The following OS9 variants were observed in gnomAD, a reference collection of about 807,000 sequenced individuals.
OS9 encodes the protein OS9 endoplasmic reticulum lectin.
A neutral mutation model predicts 84.7 loss-of-function variants in OS9; 58 were observed. That is an observed-to-expected ratio of 0.68 (90% CI 0.55 to 0.85). OS9 has a LOEUF of 0.85. Among genes scored for constraint, OS9 ranks in the 40% least tolerant of loss-of-function variants. The pLI is 0.00. For missense variants in OS9, 760 were observed against 850.9 expected, an observed-to-expected ratio of 0.89 and a Z score of 1.33; for synonymous variants, 278 against 320.8, an observed-to-expected ratio of 0.87 and a Z score of 1.43.
At chr12:57,712,518 TTAATA>T (rs1442702134) in intron 5 of OS9, among the ~76,000 whole-genome samples, 1 of 152,194 alleles carries the variant, frequency 6.6e-6, no homozygotes, top group African/African-American at 2.4e-5. Context: ...AATATATTTA[TTAATA>T]TAATGGCTAC....
At chr12:57,695,220 C>G in intron 2 of OS9, 1 of 453,778 alleles carries the variant, frequency 2.2e-6, no homozygotes, top group Non-Finnish European at 4.0e-6. Context: ...GCTAAAGTCA[C>G]CCCCTGCCCT....
chr12:57,703,159 G>A (rs1170062878), intron 5 of OS9, among the ~76,000 whole-genome samples: 1 of 152,124 alleles, frequency 6.6e-6, no homozygotes, highest in African/African-American at 2.4e-5. Flanking sequence ...AGGTTCAAGC[G>A]ATTCTCCTGC....
At chr12:57,697,328 C>T (rs965530647) in intron 5 of OS9, among the ~76,000 whole-genome samples, 1 of 152,218 alleles carries the variant, frequency 6.6e-6, no homozygotes, top group Admixed American at 6.5e-5. Context: ...CCTGAAAAAC[C>T]TTCAATGTTT....
In OS9 at chr12:57,720,814, C is replaced by T. The variant is rs369079310; in HGVS notation, c.1909C>T (p.Arg637Cys). ...GGGAGCTGAAGAGGCCCAGAAGGAA[C>T]GCCAGCGGCAGAAAGAGCTGGAGAG... is the stretch of plus-strand genomic sequence containing the variant. ...VPGAEEAQKE[R>C]QRQKELESNY... Residue 637 changes from arginine (R) to cysteine (C), a missense_variant, in exon 15 of 15, where the codon CGC becomes TGC. Transcript: ENST00000315970. The T allele has an allele frequency of 6.2e-6, 10 of 1,613,134 alleles. No homozygotes were observed. Among genetic ancestry groups the T allele is most frequent in the African/African-American group, 2.7e-5 (2 of 75,054 alleles).
intron 5 of OS9, among the ~76,000 whole-genome samples, chr12:57,706,863 AAAAAAAG>A (rs1357875065): frequency 6.6e-5 from 10 of 150,884 alleles, no homozygotes; most frequent in African/African-American, 2.4e-4. Flanking sequence ...AAAAAAAAAA[AAAAAAAG>A]TTTAGATAAA....
chr12:57,695,616 C>T, intron 2 of OS9, 164 bp from the exon 3 acceptor site: 1 of 716,322 alleles, frequency 1.4e-6, no homozygotes. Context: ...GAAAGCAGCC[C>T]TCCCTCCTTA....
chr12:57,700,340 G>C (rs374697279), intron 5 of OS9, among the ~76,000 whole-genome samples: 1 of 152,190 alleles, frequency 6.6e-6, no homozygotes, highest in East Asian at 1.9e-4. Context: ...AAAAGAATGT[G>C]GACAGGGATG....
In OS9 at chr12:57,716,119, T is replaced by C. The variant is rs770175329; in HGVS notation, c.818T>C (p.Ile273Thr). ...TCAAAGCAGTATGGAGATAAAATCA[T>C]AGAGGAGCTGCAAGATCTAGGCCCC... ...ADSKQYGDKI[I>T]EELQDLGPQV... The change falls in exon 7 of 15, where the codon ATA (isoleucine) becomes ACA (threonine). Residue 273 changes from isoleucine to threonine, a missense_variant. Transcript: ENST00000315970. The C allele has an allele frequency of 7.4e-6, 12 of 1,613,704 alleles. No individual in the cohort carries two copies. The highest frequency in any genetic ancestry group is 2.2e-5 in the East Asian group (1 of 44,876).
intron 8 of OS9, 78 bp downstream of exon 8, chr12:57,716,590 C>A: frequency 1.3e-6 from 2 of 1,499,840 alleles, no homozygotes; most frequent in Non-Finnish European, 1.9e-6. Context: ...AGGTGACCTA[C>A]ATCTACCTAG....
At position 57,695,568 on chromosome 12, in the gene OS9, A is replaced by C. The variant is rs758025507; in HGVS notation, c.340-212A>C. Reference sequence around the variant, plus strand: ...GGAGGAATGGAAAGACCACAAGTGGAAAACAGACTTTAGAGATATCTCTCC... The same window carrying C: ...GGAGGAATGGAAAGACCACAAGTGGCAAACAGACTTTAGAGATATCTCTCC... On this transcript the variant is annotated intron_variant, in intron 2 of 14. Transcript: ENST00000315970. 4 of 702,662 alleles carry C rather than the reference A, an allele frequency of 5.7e-6. No individual in the cohort carries two copies. The South Asian group carries it at 6.0e-5, about 11-fold the overall frequency. 43.5% of individuals were successfully genotyped at this position (702,662 alleles called of 1,614,324 possible).
intron 5 of OS9, among the ~76,000 whole-genome samples, chr12:57,711,951 C>CA (rs768776047): frequency 6.6e-6 from 1 of 151,876 alleles, no homozygotes. Flanking sequence ...AGAAAGTAAG[C>CA]AAAAAAAGCA....
At chr12:57,703,548 A>T (rs1954082803) in intron 5 of OS9, among the ~76,000 whole-genome samples, 1 of 152,228 alleles carries the variant, frequency 6.6e-6, no homozygotes, top group African/African-American at 2.4e-5. Flanking sequence ...CCTTACCAAA[A>T]ATCAGTTGAC....
At chr12:57,704,398 G>A (rs921049415) in intron 5 of OS9, among the ~76,000 whole-genome samples, 7 of 152,128 alleles carry the variant, frequency 4.6e-5, no homozygotes, top group Non-Finnish European at 7.3e-5. Context: ...TTAGCTGGGC[G>A]TGGTGGCGCA....
rs1288311746 is a variant in OS9 at position 57,720,089 on chromosome 12, C to T, written c.1601-10C>T. ...TGCTTTGTGTTTCCCTGTGTGTCTC[C>T]CCCTCTAAGAGGAGGATCCTGAGCA... On this transcript the variant is annotated splice_polypyrimidine_tract_variant and intron_variant, in intron 12 of 14. Coordinates refer to ENST00000315970, the MANE Select transcript of OS9 (RefSeq NM_006812.4). The T allele has an allele frequency of 4.3e-6, 7 of 1,612,580 alleles. No homozygotes were observed. The highest frequency in any genetic ancestry group is 5.9e-6 in the Non-Finnish European group (7 of 1,179,482).
In OS9 at chr12:57,717,952, A is replaced by C; in HGVS notation, c.1128A>C (p.Thr376=). 5 of 1,610,036 alleles carry C rather than the reference A, an allele frequency of 3.1e-6. No individual in the cohort carries two copies. The highest frequency in any genetic ancestry group is 4.2e-6 in the Non-Finnish European group (5 of 1,177,610). ...TCATAGAGGAGCTGAAAGGTGGAACAAAAAAGGTATAGGCCGTGCTTAGGG... is the reference window on the plus strand; with the variant it reads ...TCATAGAGGAGCTGAAAGGTGGAACCAAAAAGGTATAGGCCGTGCTTAGGG... ...IRFIEELKGG[T]KKGKPNIGQE... is the part of the protein sequence containing the mutation. The change falls in exon 10 of 15, where the codon ACA becomes ACC. Residue 376 remains threonine (T), a synonymous_variant. Transcript: ENST00000315970.
At chr12:57,710,094 C>CCAT (rs1018893325) in intron 5 of OS9, among the ~76,000 whole-genome samples, 4 of 152,172 alleles carry the variant, frequency 2.6e-5, no homozygotes, top group African/African-American at 9.7e-5. Context: ...CTCAAGTGAT[C>CCAT]CGCTCACCTT....
chr12:57,699,824 G>A (rs567840609), intron 5 of OS9, among the ~76,000 whole-genome samples: 2 of 152,316 alleles, frequency 1.3e-5, no homozygotes, highest in African/African-American at 4.8e-5. Flanking sequence ...TGCTGGGCGC[G>A]GTGGCTCATG....
chr12:57,713,077 G>A lies in OS9; in HGVS notation c.580-2683G>A, dbSNP rs752767105. Among the ~76,000 whole-genome samples, 53 of 152,134 alleles carry A rather than the reference G, an allele frequency of 3.5e-4. 1 individual carries two copies. The highest frequency in any genetic ancestry group is 2.2e-4 in the Non-Finnish European group (15 of 68,036). On this transcript the variant is annotated intron_variant, in intron 5 of 14. Coordinates refer to ENST00000315970, the MANE Select transcript of OS9 (RefSeq NM_006812.4). ...TATAGGTTTGTTCTGAGTCCAGGAC[G>A]GCTCTCAGTTGCCCTTTCCCTGGTT... is the stretch of plus-strand genomic sequence containing the variant.
rs986982480 is a variant in OS9, at chr12:57,701,255, T to C, written c.579+4882T>C. ...TCAATGGCATGACATGGAACTCTGG[T>C]TGAGTGATTTTTTTTTTTTTTTTTT... On this transcript the variant is annotated intron_variant, in intron 5 of 14. Transcript: ENST00000315970. Among the ~76,000 whole-genome samples, 4 of 142,930 alleles carry C rather than the reference T, an allele frequency of 2.8e-5. No individual in the cohort carries two copies. In the South Asian group the frequency reaches 9.0e-4, roughly 32 times the overall value. The allele number at this position is 142,930 out of a possible 152,430, so 93.8% of individuals were successfully genotyped here. A position where few individuals can be genotyped will look rare whatever the true frequency, so the allele number is the denominator to read the frequency against.
Sources: gnomAD v4.1 joint callset for allele counts (sites outside exome capture counted in the v4.1 genomes callset) on GRCh38, gnomAD v4.1.1 for gene constraint, MANE v1.5 for transcripts, NCBI Gene and HGNC (gene_info 2026-07-23, HGNC 2026-07-21) for gene names.